The following ASCC3 variants were observed in gnomAD, a reference collection of about 807,000 sequenced individuals.
ASCC3 encodes the protein ASC-1 complex subunit P200.
ASCC3 carries 158 observed loss-of-function variants against 256.3 expected under a neutral mutation model. The observed-to-expected ratio is 0.62, with a 90% confidence interval of 0.54 to 0.70. ASCC3 has a LOEUF of 0.70. Ranked by LOEUF, ASCC3 falls within the 30% of genes least tolerant of loss-of-function variation. ASCC3 has a pLI of 0.00. For missense variants in ASCC3, 2,259 were observed against 2,626.0 expected, an observed-to-expected ratio of 0.86 and a Z score of 3.05; for synonymous variants, 948 against 883.4, an observed-to-expected ratio of 1.07 and a Z score of -1.30.
rs373639219 is a variant in ASCC3 at position 100,779,603 on chromosome 6, C to T, written c.1396-12258G>A. On this transcript the variant is annotated intron_variant, in intron 8 of 41. Coordinates refer to ENST00000369162, the MANE Select transcript of ASCC3 (RefSeq NM_006828.4). ...TTACATGAGTGAGCCACCTTTTGCC[C>T]TAAAATTCTCATCCTTTTTAAGTTT... Among the ~76,000 whole-genome samples, 12 of 152,194 alleles carry T rather than the reference C, an allele frequency of 7.9e-5. No individual in the cohort carries two copies. In the East Asian group the frequency reaches 2.1e-3, roughly 27 times the overall value.
rs114836787 is a variant in ASCC3, at chr6:100,694,852, A to G, written c.2152-15100T>C. 7.2e-3 allele frequency among the ~76,000 whole-genome samples: 1,104 copies of G among 152,300 alleles called. 11 individuals are homozygous for G. The highest frequency in any genetic ancestry group is 0.025 in the African/African-American group (1,029 of 41,568). ...GGGATGAAGGAAATGATGGAGTTAGAAAATCATCAAAAGATGCTAAAATGA... is the reference window on the plus strand; with the variant it reads ...GGGATGAAGGAAATGATGGAGTTAGGAAATCATCAAAAGATGCTAAAATGA... On this transcript the variant is annotated intron_variant, in intron 13 of 41. Transcript: ENST00000369162.
chr6:100,546,885 C>A (rs1242861332), intron 36 of ASCC3, among the ~76,000 whole-genome samples: 2 of 151,778 alleles, frequency 1.3e-5, no homozygotes, highest in Non-Finnish European at 2.9e-5. Flanking sequence ...CCTTTTGACC[C>A]CATGGAAAAA....
chr6:100,517,301 G>A (rs1332591177), intron 38 of ASCC3, among the ~76,000 whole-genome samples: 1 of 152,064 alleles, frequency 6.6e-6, no homozygotes, highest in African/African-American at 2.4e-5. Flanking sequence ...AGTGCATGAC[G>A]GCAAGCTACG....
intron 10 of ASCC3, among the ~76,000 whole-genome samples, chr6:100,748,971 A>C (rs1046814986): frequency 6.6e-6 from 1 of 152,050 alleles, no homozygotes. Context: ...GGCTTAAAGA[A>C]ATTTAAGCCT....
intron 5 of ASCC3, 94 bp from the exon 6 acceptor site, chr6:100,800,598 T>C (rs9322212): frequency 0.54 from 503,102 of 934,502 alleles, 137,845 homozygotes; most frequent in South Asian, 0.73. Context: ...CCACAACATA[T>C]AATGCTCTTA....
At chr6:100,596,296 T>C (rs553201934) in intron 34 of ASCC3, among the ~76,000 whole-genome samples, 65 of 152,300 alleles carry the variant, frequency 4.3e-4, no homozygotes, top group Admixed American at 1.2e-3. Context: ...TAAGTAATGA[T>C]ATTTTGTTAG....
intron 3 of ASCC3, chr6:100,858,254 T>C: frequency 1.8e-6 from 1 of 550,422 alleles, no homozygotes; most frequent in Non-Finnish European, 2.3e-6. Flanking sequence ...TAAATTCATT[T>C]TCTACAGGTA....
intron 10 of ASCC3, among the ~76,000 whole-genome samples, chr6:100,745,943 A>C (rs1345228229): frequency 6.6e-6 from 1 of 152,008 alleles, no homozygotes; most frequent in Admixed American, 6.6e-5. Context: ...TTTTAGATAT[A>C]TATCTATCGA....
At chr6:100,723,524 AAC>A (rs1233278081) in intron 11 of ASCC3, among the ~76,000 whole-genome samples, 2 of 151,698 alleles carry the variant, frequency 1.3e-5, no homozygotes, top group Admixed American at 6.6e-5. Flanking sequence ...ATGAAAAACA[AAC>A]ACTTTCGAAC....
In ASCC3 at chr6:100,766,704, A is replaced by G; in HGVS notation, c.1598T>C (p.Ile533Thr). 1 of 1,613,998 alleles carries G rather than the reference A, an allele frequency of 6.2e-7. No homozygotes were observed. The highest frequency in any genetic ancestry group is 1.1e-5 in the South Asian group (1 of 91,080). ...GGCTTTCATTGGAGCAACATATACA[A>G]TCTATACCAAAGGAACACTAGCTTG... ...QGVIKKNEFKIVYVAPMKALA... is the reference protein window; with the variant it reads ...QGVIKKNEFKTVYVAPMKALA... Residue 533 changes from isoleucine to threonine, a missense_variant and splice_region_variant, in exon 10 of 42, where the codon ATT becomes ACT. By Grantham distance (89) the Ile-to-Thr change is moderately conservative. Coordinates refer to ENST00000369162, the MANE Select transcript of ASCC3 (RefSeq NM_006828.4).
chr6:100,556,877 A>G (rs1468473876), intron 36 of ASCC3, among the ~76,000 whole-genome samples: 2 of 152,138 alleles, frequency 1.3e-5, no homozygotes, highest in African/African-American at 2.4e-5. Flanking sequence ...TAATAAAGAA[A>G]GGACTGAATA....
rs183493631 is a variant in ASCC3, at chr6:100,605,751, G to A, written c.5045-51C>T. 14 of 1,577,872 alleles carry A rather than the reference G, an allele frequency of 8.9e-6. No individual in the cohort carries two copies. The Admixed American group carries it at 2.2e-4, about 25-fold the overall frequency. On this transcript the variant is annotated intron_variant, in intron 32 of 41. Coordinates refer to ENST00000369162, the MANE Select transcript of ASCC3 (RefSeq NM_006828.4). ...TTCTACAATGTGGCATATAGCACAA[G>A]GTATATTTACTGATTATGGCATGCT...
intron 4 of ASCC3, among the ~76,000 whole-genome samples, chr6:100,813,499 A>G (rs1166361164): frequency 6.6e-6 from 1 of 152,054 alleles, no homozygotes; most frequent in Non-Finnish European, 1.5e-5. Context: ...AAAACCTAAG[A>G]GATTTTGTTG....
chr6:100,611,115 C>T (rs558754473), intron 30 of ASCC3, among the ~76,000 whole-genome samples: 1 of 152,274 alleles, frequency 6.6e-6, no homozygotes, highest in South Asian at 2.1e-4. Context: ...CTGTCTTTTA[C>T]ACCAGGGAAG....
rs868819634 is a variant in ASCC3 at position 100,608,448 on chromosome 6, T to A, written c.4786-1360A>T. 4.8e-3 allele frequency among the ~76,000 whole-genome samples: 179 copies of A among 37,576 alleles called. 14 individuals carry two copies. Among genetic ancestry groups the A allele is most frequent in the Non-Finnish European group, 6.6e-3 (157 of 23,826 alleles). 24.7% of individuals were successfully genotyped at this position (37,576 alleles called of 152,430 possible). ...TTTTATATATATACTTTATATATAT[T>A]TTATATATATATACTTTATATATAT... On this transcript the variant is annotated intron_variant, in intron 30 of 41. Coordinates refer to ENST00000369162, the MANE Select transcript of ASCC3 (RefSeq NM_006828.4).
intron 3 of ASCC3, among the ~76,000 whole-genome samples, chr6:100,859,884 T>C (rs937717007): frequency 3.9e-5 from 6 of 152,168 alleles, no homozygotes; most frequent in East Asian, 1.9e-4. Flanking sequence ...TTTGCATCCA[T>C]ACTATAGTAA....
chr6:100,529,571 T>C (rs936952908), intron 37 of ASCC3, among the ~76,000 whole-genome samples: 6 of 152,096 alleles, frequency 3.9e-5, no homozygotes, highest in African/African-American at 7.2e-5. Flanking sequence ...TAAGTATGCA[T>C]TGAAAAACAG....
At chr6:100,876,424 A>T (rs1774005922) in intron 1 of ASCC3, among the ~76,000 whole-genome samples, 1 of 152,216 alleles carries the variant, frequency 6.6e-6, no homozygotes, top group African/African-American at 2.4e-5. Context: ...GGTGGCAATA[A>T]TCTGGCATAG....
intron 10 of ASCC3, among the ~76,000 whole-genome samples, chr6:100,730,133 C>T (rs1248023963): frequency 1.3e-5 from 2 of 151,478 alleles, no homozygotes; most frequent in South Asian, 2.1e-4. Context: ...GGTGAGACCT[C>T]GCCTCCAGAA....
Sources: allele counts gnomAD v4.1 joint callset (sites outside exome capture counted in the v4.1 genomes callset), GRCh38; gene constraint gnomAD v4.1.1; transcripts MANE v1.5; gene names NCBI Gene and HGNC (gene_info 2026-07-23, HGNC 2026-07-21).